GSG1L: variants seen among roughly 807,000 people sequenced by gnomAD.
The protein encoded by GSG1L is GSG1 like.
Under a neutral mutation model 42.1 loss-of-function variants are expected in GSG1L, and 24 were observed. That is an observed-to-expected ratio of 0.57 (90% CI 0.41 to 0.80). The LOEUF (loss-of-function observed/expected upper bound fraction) is 0.80. Among genes scored for constraint, GSG1L ranks in the 30% least tolerant of loss-of-function variants. The pLI is 0.00. For synonymous variants in GSG1L, 215 were observed against 203.5 expected, an observed-to-expected ratio of 1.06 and a Z score of -0.48; for missense variants, 445 against 472.2, an observed-to-expected ratio of 0.94 and a Z score of 0.53.
At chr16:27,913,374 A>G (rs1304532386) in intron 2 of GSG1L, among the ~76,000 whole-genome samples, 1 of 152,212 alleles carries the variant, frequency 6.6e-6, no homozygotes, top group African/African-American at 2.4e-5. Flanking sequence ...GGACCTAGGA[A>G]TCCAAAGCTA....
intron 1 of GSG1L, among the ~76,000 whole-genome samples, chr16:28,011,432 C>A (rs2085716628): frequency 6.6e-6 from 1 of 152,200 alleles, no homozygotes; most frequent in Admixed American, 6.5e-5. Flanking sequence ...CCTCGGCGGT[C>A]AGGGACAAAA....
At chr16:27,977,475 G>A (rs375078395) in intron 1 of GSG1L, among the ~76,000 whole-genome samples, 10 of 147,946 alleles carry the variant, frequency 6.8e-5, no homozygotes, top group Admixed American at 2.1e-4. Flanking sequence ...CACAAGAATC[G>A]CTGAAACCTG....
At chr16:28,019,844 C>T (rs1315298440) in intron 1 of GSG1L, among the ~76,000 whole-genome samples, 4 of 152,204 alleles carry the variant, frequency 2.6e-5, no homozygotes, top group African/African-American at 9.7e-5. Flanking sequence ...AGAGCATGTG[C>T]ACTCCTGTTT....
intron 2 of GSG1L, among the ~76,000 whole-genome samples, chr16:27,933,463 C>T (rs926004870): frequency 6.6e-6 from 1 of 152,018 alleles, no homozygotes; most frequent in African/African-American, 2.4e-5. Flanking sequence ...GCCAGGGCAA[C>T]ATGGCAAAAC....
At position 27,902,830 on chromosome 16, in the gene GSG1L, G is replaced by A. The variant is rs2084276790; in HGVS notation, c.398-18192C>T. Among the ~76,000 whole-genome samples the A allele has an allele frequency of 2.0e-5, 3 of 152,346 alleles. No individual in the cohort carries two copies. In the South Asian group the frequency reaches 6.2e-4, roughly 32 times the overall value. ...CTGCAGTGAGGCTTTAGTGACACAT[G>A]CGGGAACAGGACAGGGTACCCAGAG... On this transcript the variant is annotated intron_variant, in intron 2 of 6. Coordinates refer to ENST00000447459, the MANE Select transcript of GSG1L (RefSeq NM_001109763.2).
chr16:27,795,086 G>A (rs1039593216), intron 6 of GSG1L, among the ~76,000 whole-genome samples: 2 of 152,162 alleles, frequency 1.3e-5, no homozygotes, highest in Middle Eastern at 3.2e-3. Flanking sequence ...GGGGATGGGA[G>A]ACAGCTTTAT....
chr16:27,977,605 G>C (rs2085266269), intron 1 of GSG1L, among the ~76,000 whole-genome samples: 1 of 136,252 alleles, frequency 7.3e-6, no homozygotes, highest in Admixed American at 7.5e-5. Context: ...ACACATTCCA[G>C]AAGGCATTCT....
chr16:27,880,260 T>A (rs546650127), intron 3 of GSG1L, among the ~76,000 whole-genome samples: 95 of 152,262 alleles, frequency 6.2e-4, no homozygotes, highest in African/African-American at 2.3e-3. Context: ...AGCCTCAAAG[T>A]TTATCTCCTC....
intron 3 of GSG1L, among the ~76,000 whole-genome samples, chr16:27,870,297 ATC>A (rs1244283452): frequency 2.0e-5 from 2 of 98,462 alleles, no homozygotes; most frequent in East Asian, 2.9e-4. Context: ...CTCTGTCTCC[ATC>A]TCTCTCTCTC....
chr16:27,809,161 G>A (rs753174630), intron 5 of GSG1L, among the ~76,000 whole-genome samples: 9 of 152,160 alleles, frequency 5.9e-5, no homozygotes, highest in Non-Finnish European at 1.2e-4. Flanking sequence ...GGGAGGCCGA[G>A]GCAGGAGGAT....
In GSG1L at chr16:27,988,766, A is replaced by AT. The variant is rs398119323; in HGVS notation, c.350-25564_350-25563insA. On this transcript the variant is annotated intron_variant, in intron 1 of 6. Transcript: ENST00000447459. The stretch of plus-strand genomic sequence containing the variant: ...AACTGCAATTAAGAAAAAAAAAAAA[A>AT]GGAGAGGGCTGGGCCTGGTGGCTCA... Among the ~76,000 whole-genome samples, 7 of 150,524 alleles carry AT rather than the reference A, an allele frequency of 4.7e-5. No homozygotes were observed. The East Asian group carries it at 1.4e-3, about 29-fold the overall frequency.
intron 6 of GSG1L, among the ~76,000 whole-genome samples, chr16:27,792,733 A>T (rs1318017611): frequency 1.3e-5 from 2 of 152,276 alleles, no homozygotes; most frequent in East Asian, 3.9e-4. Flanking sequence ...CCCAGAATGT[A>T]TGCACCCCTG....
At chr16:27,869,061 G>A (rs1184780362) in intron 3 of GSG1L, among the ~76,000 whole-genome samples, 1 of 152,224 alleles carries the variant, frequency 6.6e-6, no homozygotes, top group East Asian at 1.9e-4. Flanking sequence ...ATGTGAGTGC[G>A]ACAGCCAGGA....
At chr16:28,043,594 G>C (rs1305612041) in intron 1 of GSG1L, among the ~76,000 whole-genome samples, 2 of 152,188 alleles carry the variant, frequency 1.3e-5, no homozygotes, top group African/African-American at 4.8e-5. Context: ...AGTAGGAACT[G>C]GAATAGGAGA....
chr16:27,937,141 G>T (rs868268976), intron 2 of GSG1L, among the ~76,000 whole-genome samples: 1 of 152,174 alleles, frequency 6.6e-6, no homozygotes, highest in Admixed American at 6.5e-5. Context: ...GGCTCTCAAG[G>T]CTCCAGCCAG....
intron 3 of GSG1L, among the ~76,000 whole-genome samples, chr16:27,872,061 A>G (rs1369720874): frequency 2.0e-5 from 3 of 152,214 alleles, no homozygotes; most frequent in African/African-American, 7.2e-5. Flanking sequence ...AAAAATCAGG[A>G]GTTAAGAAAA....
intron 1 of GSG1L, among the ~76,000 whole-genome samples, chr16:27,991,905 T>C (rs1447401432): frequency 6.6e-6 from 1 of 152,150 alleles, no homozygotes; most frequent in African/African-American, 2.4e-5. Flanking sequence ...ACCAAGCGTC[T>C]TCTCTCCAGA....
chr16:27,935,157 T>C (rs1377294905), intron 2 of GSG1L, among the ~76,000 whole-genome samples: 1 of 152,148 alleles, frequency 6.6e-6, no homozygotes, highest in Non-Finnish European at 1.5e-5. Flanking sequence ...GAGCCCATTA[T>C]GGGGAGCAGC....
At chr16:27,944,792 G>T (rs942031854) in intron 2 of GSG1L, among the ~76,000 whole-genome samples, 3 of 151,996 alleles carry the variant, frequency 2.0e-5, no homozygotes, top group Non-Finnish European at 4.4e-5. Context: ...AAGTAGATCA[G>T]GGCCAGGTAT....
Sources: gnomAD v4.1 joint callset for allele counts (sites outside exome capture counted in the v4.1 genomes callset) on GRCh38, gnomAD v4.1.1 for gene constraint, MANE v1.5 for transcripts, NCBI Gene and HGNC (gene_info 2026-07-23, HGNC 2026-07-21) for gene names.